TRMT1L: variants seen among roughly 807,000 people sequenced by gnomAD.
TRMT1L encodes tRNA (guanine(27)-N(2))-dimethyltransferase.
Under a neutral mutation model 81.6 loss-of-function variants are expected in TRMT1L, and 28 were observed. That is an observed-to-expected ratio of 0.34 (90% CI 0.25 to 0.47). TRMT1L has a LOEUF of 0.47. Ranked by LOEUF, TRMT1L falls within the 20% of genes least tolerant of loss-of-function variation. TRMT1L has a pLI of 1.00. For synonymous variants in TRMT1L, 301 were observed against 303.2 expected (o/e 0.99, Z 0.07); for missense variants, 739 against 877.1 (o/e 0.84, Z 1.99).
intron 7 of TRMT1L, among the ~76,000 whole-genome samples, chr1:185,142,784 G>C (rs2102248703): frequency 6.6e-6 from 1 of 151,972 alleles, no homozygotes; most frequent in South Asian, 2.1e-4. Flanking sequence ...AAACTCTATG[G>C]GTCAAAAGAC....
At chr1:185,141,923 A>C (rs1413214009) in intron 7 of TRMT1L, among the ~76,000 whole-genome samples, 1 of 152,182 alleles carries the variant, frequency 6.6e-6, no homozygotes, top group Non-Finnish European at 1.5e-5. Flanking sequence ...GAGGAGAGAA[A>C]TGACTGGAAG....
At chr1:185,123,010 A>G (rs1347213201) in intron 13 of TRMT1L, among the ~76,000 whole-genome samples, 1 of 152,188 alleles carries the variant, frequency 6.6e-6, no homozygotes, top group African/African-American at 2.4e-5. Context: ...ATAGTGTATC[A>G]TAATGCTTCT....
rs369756354 is a variant in TRMT1L, at chr1:185,124,966, T to C, written c.1737A>G (p.Ala579=). 4 of 1,611,428 alleles carry C rather than the reference T, an allele frequency of 2.5e-6. No homozygotes were observed. The highest frequency in any genetic ancestry group is 2.7e-5 in the African/African-American group (2 of 74,892). Residue 579 remains alanine (A), a synonymous_variant, in exon 12 of 15, where the codon GCA becomes GCG. Transcript: ENST00000367506. ...CTPQSQFSIH[A]SSNVNKQEEN... ...CACCTTGCTTGTTGACATTTGAAGA[T>C]GCATGAATTGAAAACTGACTTTGAG... is the stretch of plus-strand genomic sequence containing the variant.
intron 4 of TRMT1L, among the ~76,000 whole-genome samples, chr1:185,146,544 A>G (rs1653193002): frequency 6.6e-6 from 1 of 152,148 alleles, no homozygotes; most frequent in African/African-American, 2.4e-5. Flanking sequence ...TACTGTTTTG[A>G]CTACTACTTA....
intron 3 of TRMT1L, among the ~76,000 whole-genome samples, chr1:185,148,155 C>A (rs377631089): frequency 1.3e-5 from 2 of 152,144 alleles, no homozygotes; most frequent in Admixed American, 1.3e-4. Context: ...CTTATCTGAT[C>A]TTATGGCTTT....
intron 13 of TRMT1L, among the ~76,000 whole-genome samples, chr1:185,123,352 T>C (rs1428499687): frequency 6.6e-6 from 1 of 152,174 alleles, no homozygotes; most frequent in East Asian, 1.9e-4. Flanking sequence ...GGCACTGATA[T>C]TTTAAATCTT....
intron 13 of TRMT1L, among the ~76,000 whole-genome samples, chr1:185,122,715 C>T (rs1361181140): frequency 1.5e-5 from 2 of 135,224 alleles, no homozygotes; most frequent in Admixed American, 1.6e-4. Context: ...GAGACAGTCT[C>T]GATCTGTCAC....
At chr1:185,143,796 T>C (rs1653113330) in intron 6 of TRMT1L, 110 bp downstream of exon 6, 3 of 948,096 alleles carry the variant, frequency 3.2e-6, no homozygotes, top group Non-Finnish European at 4.3e-6. Flanking sequence ...CAGATGATTT[T>C]TATTCTGCAC....
upstream of TRMT1L, chr1:185,157,208 G>C (rs1653652713): frequency 6.3e-6 from 1 of 158,338 alleles, no homozygotes; most frequent in South Asian, 1.5e-4. Flanking sequence ...ACGTTTCCCA[G>C]CAGGCATACA....
chr1:185,126,337 C>A (rs1485159241), intron 11 of TRMT1L, among the ~76,000 whole-genome samples: 1 of 152,208 alleles, frequency 6.6e-6, no homozygotes, highest in South Asian at 2.1e-4. Flanking sequence ...CTCTGTCGCC[C>A]AGGCTAGAGT....
At position 185,151,380 on chromosome 1, in the gene TRMT1L, A is replaced by C. The variant is rs77714008; in HGVS notation, c.346+445T>G. ...TCTACTTCAAAAAAACCACGCAGTC[A>C]GCGATCTTGAGGATACAAACCAAAC... On this transcript the variant is annotated intron_variant, in intron 2 of 14. Transcript: ENST00000367506. 5.5e-3 allele frequency among the ~76,000 whole-genome samples: 833 copies of C among 152,320 alleles called. 32 individuals are homozygous for C. The East Asian group carries it at 0.084, about 15-fold the overall frequency.
At chr1:185,145,000 G>A (rs1233754295) in intron 5 of TRMT1L, among the ~76,000 whole-genome samples, 1 of 151,794 alleles carries the variant, frequency 6.6e-6, no homozygotes, top group East Asian at 1.9e-4. Flanking sequence ...CATGCTTTAG[G>A]CCATTAGTGC....
intron 10 of TRMT1L, among the ~76,000 whole-genome samples, chr1:185,130,182 A>C (rs1442665531): frequency 6.6e-6 from 1 of 152,230 alleles, no homozygotes; most frequent in Non-Finnish European, 1.5e-5. Context: ...CTAGCAGCAA[A>C]TAATGAAGCG....
intron 10 of TRMT1L, among the ~76,000 whole-genome samples, chr1:185,136,565 A>G (rs1396056728): frequency 3.9e-5 from 6 of 152,168 alleles, no homozygotes; most frequent in Non-Finnish European, 8.8e-5. Context: ...AAATCACAGT[A>G]TCTATTCTCC....
At chr1:185,137,849 G>A in intron 9 of TRMT1L, 53 bp from the exon 10 acceptor site, 1 of 1,564,098 alleles carries the variant, frequency 6.4e-7, no homozygotes, top group Non-Finnish European at 8.7e-7. Flanking sequence ...TCCCTTGTTT[G>A]GCATTATACT....
chr1:185,142,770 C>T (rs1304004041), intron 7 of TRMT1L, among the ~76,000 whole-genome samples: 4 of 151,772 alleles, frequency 2.6e-5, no homozygotes, highest in African/African-American at 4.8e-5. Flanking sequence ...ATCTAGACTG[C>T]GGGAAACTCT....
rs780005499 is a variant in TRMT1L at position 185,120,050 on chromosome 1, T to C, written c.2171A>G (p.Lys724Arg). The change falls in exon 15 of 15, where the codon AAA (lysine) becomes AGA (arginine). Residue 724 changes from lysine to arginine, a missense_variant. Physicochemically the swap from Lys to Arg is conservative, Grantham distance 26 (BLOSUM62 2). Transcript: ENST00000367506. ...TCTTCTGCAGCCACTTGCTTCTGCT[T>C]TGTCATTCACTGACATTTCAACTCT... ...TERVEMSVND[K>R]AEASGCRRW 6.2e-7 allele frequency: 1 copy of C among 1,613,950 alleles called. No homozygotes were observed.
intron 1 of TRMT1L, among the ~76,000 whole-genome samples, chr1:185,152,908 T>G (rs1280942190): frequency 6.6e-6 from 1 of 152,146 alleles, no homozygotes; most frequent in Non-Finnish European, 1.5e-5. Flanking sequence ...AGCTGGCAAT[T>G]TGTTTTTGGA....
chr1:185,151,828 C>A lies in TRMT1L; in HGVS notation c.343G>T (p.Ala115Ser), dbSNP rs1456113400. The change falls in exon 2 of 15, where the codon GCA becomes TCA. Residue 115 changes from alanine to serine, a missense_variant. By Grantham distance (99) the Ala-to-Ser change is moderately conservative. Transcript: ENST00000367506. ...AAAAACCCAAACATGGAAATACCTG[C>A]ATCAAGATTATCTGAGTTCAATGAG... ...ASSLNSDNLD[A>S]GNRQACPLCP... is the part of the protein sequence containing the mutation. 6.4e-7 allele frequency: 1 copy of A among 1,557,296 alleles called. No homozygotes were observed. The highest frequency in any genetic ancestry group is 8.6e-7 in the Non-Finnish European group (1 of 1,157,326).
Sources: gnomAD v4.1 joint callset for allele counts (sites outside exome capture counted in the v4.1 genomes callset) on GRCh38, gnomAD v4.1.1 for gene constraint, MANE v1.5 for transcripts, NCBI Gene and HGNC (gene_info 2026-07-23, HGNC 2026-07-21) for gene names.